KCNAB1: variants seen among roughly 807,000 people sequenced by gnomAD.
KCNAB1 encodes voltage-gated potassium channel subunit beta-1.
A neutral mutation model predicts 64.6 loss-of-function variants in KCNAB1; 35 were observed. That is an observed-to-expected ratio of 0.54 (90% CI 0.41 to 0.72). The LOEUF (loss-of-function observed/expected upper bound fraction) is 0.72, where lower values mean the gene tolerates loss of function less well. Ranked by LOEUF, KCNAB1 falls within the 30% of genes least tolerant of loss-of-function variation. KCNAB1 has a pLI of 0.00. For synonymous variants in KCNAB1, 177 were observed against 183.8 expected, an observed-to-expected ratio of 0.96 and a Z score of 0.30; for missense variants, 401 against 512.9, an observed-to-expected ratio of 0.78 and a Z score of 2.11.
chr3:156,337,399 T>C lies in KCNAB1; in HGVS notation c.276-84217T>C, dbSNP rs112664199. On this transcript the variant is annotated intron_variant, in intron 1 of 13. Transcript: ENST00000490337. ...GTTCTTTTTTCCCCCCACTGTCTTC[T>C]TTTTTCCTTTCTGTATCTTCCTCCT... 1.1e-3 allele frequency among the ~76,000 whole-genome samples: 170 copies of C among 152,322 alleles called. 1 individual carries two copies. Among genetic ancestry groups the C allele is most frequent in the African/African-American group, 4.0e-3 (166 of 41,568 alleles).
intron 1 of KCNAB1, among the ~76,000 whole-genome samples, chr3:156,206,219 G>A (rs1410721799): frequency 6.6e-6 from 1 of 152,154 alleles, no homozygotes; most frequent in Non-Finnish European, 1.5e-5. Context: ...TCCATTGTCA[G>A]GTTATGGGGA....
intron 12 of KCNAB1, 125 bp downstream of exon 12, chr3:156,524,072 A>T: frequency 1.1e-6 from 1 of 931,878 alleles, no homozygotes; most frequent in Middle Eastern, 2.3e-4. Context: ...TCTGAAGCAT[A>T]AACTCCTGCT....
chr3:156,187,143 C>T (rs534817569), intron 1 of KCNAB1, among the ~76,000 whole-genome samples: 2 of 152,182 alleles, frequency 1.3e-5, no homozygotes, highest in Non-Finnish European at 2.9e-5. Flanking sequence ...CATGAGCCAC[C>T]GTGCTGGGAC....
intron 1 of KCNAB1, among the ~76,000 whole-genome samples, chr3:156,187,631 G>T (rs968031729): frequency 6.6e-6 from 1 of 152,152 alleles, no homozygotes; most frequent in Non-Finnish European, 1.5e-5. Context: ...AAGTCATCAA[G>T]TCCTATTGAC....
intron 1 of KCNAB1, among the ~76,000 whole-genome samples, chr3:156,373,621 A>G (rs1395241187): frequency 6.6e-6 from 1 of 152,170 alleles, no homozygotes; most frequent in African/African-American, 2.4e-5. Context: ...TTTTTTTAAG[A>G]AAAAACAACC....
intron 1 of KCNAB1, among the ~76,000 whole-genome samples, chr3:156,216,635 T>G (rs1715337792): frequency 6.6e-6 from 1 of 152,198 alleles, no homozygotes; most frequent in Admixed American, 6.5e-5. Context: ...GAGTAGACTC[T>G]GGGGGAAGAT....
At chr3:156,513,320 A>AG (rs1717340650) in intron 8 of KCNAB1, among the ~76,000 whole-genome samples, 1 of 152,050 alleles carries the variant, frequency 6.6e-6, no homozygotes, top group African/African-American at 2.4e-5. Flanking sequence ...ATCAATCTAG[A>AG]CAGTGCCTGC....
chr3:156,460,218 C>A, intron 5 of KCNAB1: 1 of 224,476 alleles, frequency 4.5e-6, no homozygotes, highest in Non-Finnish European at 8.6e-6. Flanking sequence ...TGATTATCCC[C>A]CCACACACAT....
intron 1 of KCNAB1, among the ~76,000 whole-genome samples, chr3:156,324,672 G>A (rs1281847792): frequency 6.6e-6 from 1 of 151,972 alleles, no homozygotes. Context: ...GCTAGTTTGG[G>A]GACTTTTCCT....
At chr3:156,242,630 A>G (rs1044142056) in intron 1 of KCNAB1, among the ~76,000 whole-genome samples, 1 of 151,682 alleles carries the variant, frequency 6.6e-6, no homozygotes, top group African/African-American at 2.4e-5. Flanking sequence ...AATTTCTAAA[A>G]CCTTCTTTTG....
chr3:156,178,731 G>T lies in KCNAB1; in HGVS notation c.275+57845G>T, dbSNP rs866660043. Among the ~76,000 whole-genome samples the T allele has an allele frequency of 8.5e-5, 13 of 152,182 alleles. No homozygotes were observed. The Middle Eastern group carries it at 0.024, about 279-fold the overall frequency. ...ATTTATTATTTTTTGGCCGGGCGCGGTGGCTCACGCCTGTAATCCTAGCAC... is the reference window on the plus strand; with the variant it reads ...ATTTATTATTTTTTGGCCGGGCGCGTTGGCTCACGCCTGTAATCCTAGCAC... On this transcript the variant is annotated intron_variant, in intron 1 of 13. Coordinates refer to ENST00000490337, the MANE Select transcript of KCNAB1 (RefSeq NM_172160.3).
At chr3:156,458,352 A>G (rs1712616911) in intron 4 of KCNAB1, among the ~76,000 whole-genome samples, 1 of 152,236 alleles carries the variant, frequency 6.6e-6, no homozygotes, top group South Asian at 2.1e-4. Context: ...CCTACTGGGA[A>G]CATGGATGTC....
At position 156,291,674 on chromosome 3, in the gene KCNAB1, G is replaced by A. The variant is rs181223496; in HGVS notation, c.276-129942G>A. The stretch of plus-strand genomic sequence containing the variant: ...CTCCAGCTGCTGTGACAACTTCGGG[G>A]CCGTCTGTTTACTTCTCTGGGTCCC... On this transcript the variant is annotated intron_variant, in intron 1 of 13. Transcript: ENST00000490337. 37 of 1,399,458 alleles carry A rather than the reference G, an allele frequency of 2.6e-5. No individual in the cohort carries two copies. In the East Asian group the frequency reaches 9.4e-4, roughly 36 times the overall value. 86.7% of individuals were successfully genotyped at this position (1,399,458 alleles called of 1,614,324 possible).
chr3:156,231,244 C>T (rs1214378181), intron 1 of KCNAB1, among the ~76,000 whole-genome samples: 2 of 152,078 alleles, frequency 1.3e-5, no homozygotes, highest in African/African-American at 4.8e-5. Context: ...TTTGCCCAAA[C>T]TTCTATCTAA....
intron 2 of KCNAB1, among the ~76,000 whole-genome samples, chr3:156,444,017 T>C (rs1367204229): frequency 6.6e-6 from 1 of 152,208 alleles, no homozygotes; most frequent in Non-Finnish European, 1.5e-5. Context: ...TAAGTTGCTA[T>C]CACATTTGTC....
chr3:156,404,805 T>C (rs1199535432), intron 1 of KCNAB1, among the ~76,000 whole-genome samples: 1 of 152,322 alleles, frequency 6.6e-6, no homozygotes, highest in African/African-American at 2.4e-5. Context: ...CTTAAAATCT[T>C]TTTTTGGGAG....
At chr3:156,439,853 G>T (rs995234204) in intron 2 of KCNAB1, among the ~76,000 whole-genome samples, 18 of 152,204 alleles carry the variant, frequency 1.2e-4, no homozygotes, top group Admixed American at 9.8e-4. Flanking sequence ...TCCCTGGATC[G>T]ATGCTGACCT....
At chr3:156,498,360 G>A (rs1270396119) in intron 8 of KCNAB1, among the ~76,000 whole-genome samples, 1 of 152,170 alleles carries the variant, frequency 6.6e-6, no homozygotes, top group Non-Finnish European at 1.5e-5. Flanking sequence ...CCCACGTGTT[G>A]TGGGAGGAAC....
chr3:156,159,082 T>C (rs1715924942), intron 1 of KCNAB1, among the ~76,000 whole-genome samples: 1 of 152,006 alleles, frequency 6.6e-6, no homozygotes, highest in Non-Finnish European at 1.5e-5. Context: ...CCCCCCCCTG[T>C]AATAATTGAG....
Sources: allele counts gnomAD v4.1 joint callset (sites outside exome capture counted in the v4.1 genomes callset), GRCh38; gene constraint gnomAD v4.1.1; transcripts MANE v1.5; gene names NCBI Gene and HGNC (gene_info 2026-07-23, HGNC 2026-07-21).